The following ATP9A variants were observed in gnomAD, a reference collection of about 807,000 sequenced individuals.
ATP9A encodes ATPase phospholipid transporting 9A, also known as probable phospholipid-transporting ATPase IIA.
ATP9A carries 52 observed loss-of-function variants against 144.1 expected under a neutral mutation model. That is an observed-to-expected ratio of 0.36 (90% confidence interval 0.29 to 0.45). The LOEUF is 0.45. Ranked by LOEUF, ATP9A falls within the 20% of genes least tolerant of loss-of-function variation. ATP9A has a pLI of 1.00. For missense variants in ATP9A, 947 were observed against 1,392.7 expected, an observed-to-expected ratio of 0.68 and a Z score of 5.09; for synonymous variants, 582 against 557.4, an observed-to-expected ratio of 1.04 and a Z score of -0.62.
intron 3 of ATP9A, among the ~76,000 whole-genome samples, chr20:51,723,568 T>TCC (rs2077698888): frequency 6.9e-6 from 1 of 144,720 alleles, no homozygotes. Flanking sequence ...AAATTCTTTT[T>TCC]TTTTTTTTTT....
intron 4 of ATP9A, among the ~76,000 whole-genome samples, chr20:51,702,118 T>A (rs1456662281): frequency 6.6e-6 from 1 of 151,588 alleles, no homozygotes; most frequent in Non-Finnish European, 1.5e-5. Flanking sequence ...GCCAACATAG[T>A]GAAACCCTGT....
intron 4 of ATP9A, among the ~76,000 whole-genome samples, chr20:51,704,566 T>C (rs2077607441): frequency 6.6e-6 from 1 of 151,958 alleles, no homozygotes; most frequent in African/African-American, 2.4e-5. Context: ...AGATCACCTG[T>C]GGTCAGGAGT....
intron 14 of ATP9A, among the ~76,000 whole-genome samples, chr20:51,645,811 CAAAACAAAG>C (rs1400701735): frequency 1.3e-5 from 2 of 152,148 alleles, no homozygotes; most frequent in East Asian, 3.8e-4. Context: ...CATTCCCTCC[CAAAACAAAG>C]TGATATACAA....
intron 5 of ATP9A, 39 bp from the exon 6 acceptor site, chr20:51,696,183 GA>G: frequency 6.2e-7 from 1 of 1,604,292 alleles, no homozygotes; most frequent in Non-Finnish European, 8.5e-7. Context: ...GTGAATGAAT[GA>G]CCGTGTGCTG....
At chr20:51,719,472 C>T (rs1272962783) in intron 3 of ATP9A, among the ~76,000 whole-genome samples, 3 of 151,984 alleles carry the variant, frequency 2.0e-5, no homozygotes, top group African/African-American at 7.2e-5. Flanking sequence ...CAGTGGCTCA[C>T]GCCTGTAATC....
At chr20:51,712,878 G>C (rs539505556) in intron 4 of ATP9A, 88 bp downstream of exon 4, 1 of 1,213,064 alleles carries the variant, frequency 8.2e-7, no homozygotes, top group Non-Finnish European at 1.2e-6. Context: ...TCCCACACCT[G>C]CGGCCCGGGC....
At chr20:51,752,737 C>A (rs1225872051) in intron 1 of ATP9A, among the ~76,000 whole-genome samples, 1 of 152,100 alleles carries the variant, frequency 6.6e-6, no homozygotes, top group Non-Finnish European at 1.5e-5. Flanking sequence ...CTTCTCAGGC[C>A]CCGGGCAGGA....
At chr20:51,674,384 T>G in intron 10 of ATP9A, 71 bp from the exon 11 acceptor site, 2 of 1,543,184 alleles carry the variant, frequency 1.3e-6, no homozygotes, top group Non-Finnish European at 1.8e-6. Context: ...AACCAGGAGG[T>G]GGAGGCTGCA....
At position 51,617,475 on chromosome 20, in the gene ATP9A, G is replaced by A. The variant is rs576715198; in HGVS notation, c.2415+15C>T. The A allele has an allele frequency of 5.7e-5, 91 of 1,606,038 alleles. No individual in the cohort carries two copies. The highest frequency in any genetic ancestry group is 1.3e-5 in the African/African-American group (1 of 74,642). ...ACTACAGCAAGTGGAGCCGAGCAGAGGGAAACACTCTCACCTTTCCTTCCA... is the reference window on the plus strand; with the variant it reads ...ACTACAGCAAGTGGAGCCGAGCAGAAGGAAACACTCTCACCTTTCCTTCCA... On this transcript the variant is annotated intron_variant, in intron 22 of 27. Coordinates refer to ENST00000338821, the MANE Select transcript of ATP9A (RefSeq NM_006045.3).
chr20:51,633,481 C>T (rs1176319673), intron 15 of ATP9A, among the ~76,000 whole-genome samples: 1 of 152,114 alleles, frequency 6.6e-6, no homozygotes, highest in Non-Finnish European at 1.5e-5. Flanking sequence ...CACGGTGGCT[C>T]ACGCCTGTAA....
At chr20:51,723,954 T>C (rs2077701175) in intron 3 of ATP9A, among the ~76,000 whole-genome samples, 1 of 152,042 alleles carries the variant, frequency 6.6e-6, no homozygotes, top group Non-Finnish European at 1.5e-5. Context: ...GTGGATCGCC[T>C]GAGGTCAGTC....
chr20:51,675,476 T>C (rs889970426), intron 10 of ATP9A, among the ~76,000 whole-genome samples: 4 of 152,154 alleles, frequency 2.6e-5, no homozygotes, highest in Non-Finnish European at 5.9e-5. Flanking sequence ...CCGTTTCTCA[T>C]GGATAAAGGA....
At chr20:51,758,578 T>C (rs2077865924) in intron 1 of ATP9A, among the ~76,000 whole-genome samples, 1 of 152,188 alleles carries the variant, frequency 6.6e-6, no homozygotes. Flanking sequence ...CCCATCTCCT[T>C]GCGGACTGGA....
At chr20:51,741,010 CAATTAATTAAAATTAAATTTTAATTT>C (rs2077782590) in intron 1 of ATP9A, among the ~76,000 whole-genome samples, 2 of 105,398 alleles carry the variant, frequency 1.9e-5, no homozygotes, top group African/African-American at 5.6e-5. Flanking sequence ...TTTTAAGTTT[CAATTAATTAAAATTAAATTTTAATTT>C]AATTAATTAA....
At chr20:51,632,310 T>G (rs2426323) in intron 15 of ATP9A, among the ~76,000 whole-genome samples, 67,562 of 152,088 alleles carry the variant, frequency 0.44, 15,787 homozygotes, top group East Asian at 0.68. Context: ...TGAAACTCGT[T>G]GGCTCAAGTG....
At chr20:51,703,038 G>A (rs1453611822) in intron 4 of ATP9A, among the ~76,000 whole-genome samples, 1 of 152,026 alleles carries the variant, frequency 6.6e-6, no homozygotes, top group Non-Finnish European at 1.5e-5. Context: ...AGACTCCTAA[G>A]ATGGAAAAAG....
At chr20:51,766,795 T>G (rs1177974180) in intron 1 of ATP9A, among the ~76,000 whole-genome samples, 3 of 152,020 alleles carry the variant, frequency 2.0e-5, no homozygotes, top group Non-Finnish European at 4.4e-5. Flanking sequence ...AGCCGAGATC[T>G]CGCCACAGCA....
At chr20:51,650,512 T>TTGTAATCCTAGCACTTTGGGAG (rs1568803013) in intron 14 of ATP9A, among the ~76,000 whole-genome samples, 5 of 150,418 alleles carry the variant, frequency 3.3e-5, no homozygotes, top group African/African-American at 1.2e-4. Context: ...CCAGCCTGGG[T>TTGTAATCCTAGCACTTTGGGAG]GACAGAGTGA....
At chr20:51,677,428 G>C (rs1259874002) in intron 9 of ATP9A, among the ~76,000 whole-genome samples, 1 of 152,092 alleles carries the variant, frequency 6.6e-6, no homozygotes, top group African/African-American at 2.4e-5. Context: ...TCATGGAACA[G>C]AGAAGACCCA....
Sources: gnomAD v4.1 joint callset for allele counts (sites outside exome capture counted in the v4.1 genomes callset) on GRCh38, gnomAD v4.1.1 for gene constraint, MANE v1.5 for transcripts, NCBI Gene and HGNC (gene_info 2026-07-23, HGNC 2026-07-21) for gene names.